NEIL1: variants seen among roughly 807,000 people sequenced by gnomAD.
NEIL1 encodes endonuclease 8-like 1.
NEIL1 carries 31 observed loss-of-function variants against 44.2 expected under a neutral mutation model. The ratio of observed to expected loss-of-function variants is 0.70; its 90% CI spans 0.53 to 0.95. The LOEUF (loss-of-function observed/expected upper bound fraction) is 0.95. NEIL1 is among the 40% of genes least tolerant of loss of function. The probability of loss-of-function intolerance (pLI) is 0.00; values close to 1 mark genes in which losing one functional copy is unlikely to be tolerated. For missense variants in NEIL1, 549 were observed against 515.5 expected, an observed-to-expected ratio of 1.07 and a Z score of -0.63; for synonymous variants, 254 against 209.7, an observed-to-expected ratio of 1.21 and a Z score of -1.83.
chr15:75,355,216 T>C lies in NEIL1; in HGVS notation c.*182T>C. The C allele has an allele frequency of 3.3e-6, 2 of 597,364 alleles. No homozygotes were observed. The highest frequency in any genetic ancestry group is 3.1e-5 in the Admixed American group (1 of 31,964). 37.0% of individuals were successfully genotyped at this position (597,364 alleles called of 1,614,324 possible). A position where few individuals can be genotyped will look rare whatever the true frequency, so the allele number is the denominator to read the frequency against. The stretch of plus-strand genomic sequence containing the variant: ...ACATCTTTAAAGCTCATGTGAAAAA[T>C]GCTGCATTTTTAATAAACTGATACA... On this transcript the variant is annotated 3_prime_UTR_variant, in exon 10 of 10. Coordinates refer to ENST00000355059, the MANE Select transcript of NEIL1 (RefSeq NM_024608.4).
intron 6 of NEIL1, 159 bp from the exon 7 acceptor site, chr15:75,354,091 C>A: frequency 1.9e-6 from 2 of 1,041,714 alleles, no homozygotes; most frequent in Non-Finnish European, 2.9e-6. Context: ...GGCAGAGCAG[C>A]TTTGCTGATG....
rs755536506 is a variant in NEIL1 at position 75,348,922 on chromosome 15, A to G, written c.17A>G (p.Glu6Gly). 1.9e-6 allele frequency: 3 copies of G among 1,612,138 alleles called. No homozygotes were observed. The highest frequency in any genetic ancestry group is 8.5e-7 in the Non-Finnish European group (1 of 1,179,928). Residue 6 changes from glutamate (E) to glycine (G), a missense_variant, in exon 2 of 10, where the codon GAG becomes GGG. Transcript: ENST00000355059. ...TCCCTCAGGATGCCTGAGGGCCCCGAGCTGCACCTGGCCAGCCAGTTTGTG... is the reference window on the plus strand; with the variant it reads ...TCCCTCAGGATGCCTGAGGGCCCCGGGCTGCACCTGGCCAGCCAGTTTGTG... MPEGP[E>G]LHLASQFVNE...
intron 5 of NEIL1, 36 bp downstream of exon 5, chr15:75,352,737 A>G: frequency 6.5e-7 from 1 of 1,533,040 alleles, no homozygotes; most frequent in Non-Finnish European, 8.9e-7. Flanking sequence ...CTGCTTCAGC[A>G]AATGATTGTG....
Position 75,352,128 on chromosome 15 carries a change from A to T in NEIL1, c.452A>T (p.Asn151Ile). ...YQQFRENVLR[N>I]LADKAFDRPI... ...TCCTCCAGGGAGAATGTGCTACGAA[A>T]CCTAGCGGATAAGGCCTTTGACCGG... Residue 151 changes from asparagine to isoleucine, a missense_variant, in exon 3 of 10, where the codon AAC becomes ATC. Coordinates refer to ENST00000355059, the MANE Select transcript of NEIL1 (RefSeq NM_024608.4). The T allele has an allele frequency of 6.2e-7, 1 of 1,614,038 alleles. No individual in the cohort carries two copies. The highest frequency in any genetic ancestry group is 8.5e-7 in the Non-Finnish European group (1 of 1,179,984).
In NEIL1 at chr15:75,348,953, G is replaced by A; in HGVS notation, c.48G>A (p.Glu16=). The A allele has an allele frequency of 3.7e-6, 6 of 1,613,432 alleles. No individual in the cohort carries two copies. Among genetic ancestry groups the A allele is most frequent in the Non-Finnish European group, 5.1e-6 (6 of 1,180,034 alleles). ...ACCTGGCCAGCCAGTTTGTGAATGA[G>A]GCCTGCAGGGCGCTGGTGTTCGGCG... is the stretch of plus-strand genomic sequence containing the variant. ...ELHLASQFVN[E]ACRALVFGGC... Residue 16 remains glutamate (E), a synonymous_variant, in exon 2 of 10, where the codon GAG becomes GAA. Transcript: ENST00000355059.
Position 75,356,160 on chromosome 15 carries a change from G to C in NEIL1, c.*1126G>C, listed in dbSNP as rs764882521. 1 of 1,613,632 alleles carries C rather than the reference G, an allele frequency of 6.2e-7. No individual in the cohort carries two copies. Among genetic ancestry groups the C allele is most frequent in the Non-Finnish European group, 8.5e-7 (1 of 1,179,990 alleles). Reference sequence around the variant, plus strand: ...ACAAGTGCAGCCAGCAGTCCACGTGGCTGCCGTGGGCCTCATACAGCCTCA... The same window carrying C: ...ACAAGTGCAGCCAGCAGTCCACGTGCCTGCCGTGGGCCTCATACAGCCTCA... On this transcript the variant is annotated 3_prime_UTR_variant, in exon 10 of 10. Transcript: ENST00000355059. This position sits in a 1 kb window ranked among gnomAD's most constrained non-coding sequence, Gnocchi z 5.8.
rs2071664788 is a variant in NEIL1 at position 75,349,020 on chromosome 15, C to G, written c.115C>G (p.Pro39Ala). The G allele has an allele frequency of 6.2e-7, 1 of 1,613,738 alleles. No homozygotes were observed. Among genetic ancestry groups the G allele is most frequent in the African/African-American group, 1.3e-5 (1 of 75,050 alleles). The change falls in exon 2 of 10, where the codon CCC (proline) becomes GCC (alanine). Residue 39 changes from proline to alanine, a missense_variant. Transcript: ENST00000355059. ...CTCTGTCAGCCGCAACCCTGAGGTG[C>G]CCTTTGAGAGCAGTGCCTACCGCAT... is the stretch of plus-strand genomic sequence containing the variant. ...KSSVSRNPEV[P>A]FESSAYRISA...
chr15:75,348,869 C>G lies in NEIL1; in HGVS notation c.-22-15C>G, dbSNP rs1230691934. ...GTCCACACCGGGCTCAACCCGCTGC[C>G]TTCCTCCCCAACAGGACTCTGCCAC... On this transcript the variant is annotated splice_polypyrimidine_tract_variant and intron_variant, in intron 1 of 9. Transcript: ENST00000355059. The G allele has an allele frequency of 6.3e-7, 1 of 1,598,322 alleles. No individual in the cohort carries two copies. Among genetic ancestry groups the G allele is most frequent in the Middle Eastern group, 2.1e-4 (1 of 4,856 alleles).
intron 5 of NEIL1, chr15:75,353,267 T>C: frequency 4.1e-6 from 1 of 246,904 alleles, no homozygotes; most frequent in Non-Finnish European, 8.2e-6. Flanking sequence ...TTATATATAT[T>C]TTTGGTAGAG....
Position 75,354,694 on chromosome 15 carries a change from G to T in NEIL1, c.978G>T (p.Arg326Ser). Residue 326 changes from arginine to serine, a missense_variant, in exon 9 of 10, where the codon AGG becomes AGT. Transcript: ENST00000355059. ...PPSKAPSRTRRAKRDLPKRTA... is the reference protein window; with the variant it reads ...PPSKAPSRTRSAKRDLPKRTA... ...GCAAGGCCCCTTCCAGGACACGAAG[G>T]GCAAAGAGAGACCTTCCTAAGAGGA... The T allele has an allele frequency of 1.2e-6, 2 of 1,614,182 alleles. No individual in the cohort carries two copies. Among genetic ancestry groups the T allele is most frequent in the Non-Finnish European group, 1.7e-6 (2 of 1,180,024 alleles).
In NEIL1 at chr15:75,355,995, A is replaced by T. The variant is rs760490250; in HGVS notation, c.*961A>T. ...TTCAGGCGGTTGTCCCGAAGGGTCAAGTGGCCAGCAGGGTCTGGTCGCTCC... is the reference window on the plus strand; with the variant it reads ...TTCAGGCGGTTGTCCCGAAGGGTCATGTGGCCAGCAGGGTCTGGTCGCTCC... On this transcript the variant is annotated 3_prime_UTR_variant, in exon 10 of 10. Transcript: ENST00000355059. 17 of 1,614,102 alleles carry T rather than the reference A, an allele frequency of 1.1e-5. No homozygotes were observed. Among genetic ancestry groups the T allele is most frequent in the Middle Eastern group, 1.6e-4 (1 of 6,062 alleles).
chr15:75,352,405 TG>T lies in NEIL1; in HGVS notation c.618+20del. ...ACAGGCCGGTAAGCCCAGAGAGGGA[TG>T]GAGCACACGTGCTGGCACACTGGTG... On this transcript the variant is annotated intron_variant, in intron 4 of 9. Transcript: ENST00000355059. 1 of 1,612,772 alleles carries T rather than the reference TG, an allele frequency of 6.2e-7. No individual in the cohort carries two copies. The highest frequency in any genetic ancestry group is 1.3e-5 in the African/African-American group (1 of 75,006).
Position 75,348,393 on chromosome 15 carries a change from C to T in NEIL1, c.-22-491C>T, listed in dbSNP as rs2071611244. The T allele has an allele frequency of 4.1e-6, 4 of 986,150 alleles. No individual in the cohort carries two copies. In the South Asian group the frequency reaches 1.9e-4, roughly 46 times the overall value. The allele number at this position is 986,150 out of a possible 1,614,324, so 61.1% of individuals were successfully genotyped here. A position where few individuals can be genotyped will look rare whatever the true frequency, so the allele number is the denominator to read the frequency against. ...GGGGGGAGGGGGGCGCAGGGAGGGG[C>T]GGCCACGCGATCCTAAGACCCTTTC... On this transcript the variant is annotated intron_variant, in intron 1 of 9. Transcript: ENST00000355059.
chr15:75,354,510 C>G lies in NEIL1; in HGVS notation c.936+18C>G. 1 of 1,614,004 alleles carries G rather than the reference C, an allele frequency of 6.2e-7. No homozygotes were observed. Among genetic ancestry groups the G allele is most frequent in the South Asian group, 1.1e-5 (1 of 91,084 alleles). On this transcript the variant is annotated intron_variant, in intron 8 of 9. Transcript: ENST00000355059. ...GAGTGGAGGTATGGCTGCCTGCTCC[C>G]GCCTCCTCCCCTGCACTCTGCAGCC... is the stretch of plus-strand genomic sequence containing the variant.
chr15:75,349,240 T>C lies in NEIL1; in HGVS notation c.335T>C (p.Leu112Pro), dbSNP rs2071688404. 6.2e-7 allele frequency: 1 copy of C among 1,610,976 alleles called. No individual in the cohort carries two copies. The highest frequency in any genetic ancestry group is 1.1e-5 in the South Asian group (1 of 91,068). Residue 112 changes from leucine to proline, a missense_variant, in exon 2 of 10, where the codon CTA (leucine) becomes CCA (proline). Physicochemically the swap from Leu to Pro is moderately conservative, Grantham distance 98. Coordinates refer to ENST00000355059, the MANE Select transcript of NEIL1 (RefSeq NM_024608.4). Reference protein sequence around the residue: ...YTAPPGPRLALCFVDIRRFGR... With the variant: ...YTAPPGPRLAPCFVDIRRFGR... ...GCCCCGCCTGGCCCCCGGCTCGCCC[T>C]ATGTTTCGTGGACATCCGCCGGTTC...
intron 6 of NEIL1, 114 bp from the exon 7 acceptor site, chr15:75,354,136 C>T: frequency 1.6e-6 from 2 of 1,278,148 alleles, no homozygotes; most frequent in South Asian, 1.2e-5. Flanking sequence ...TAGAGGCTTC[C>T]TAAGGGAGAA....
rs777328219 is a variant in NEIL1 at position 75,354,433 on chromosome 15, C to T, written c.877C>T (p.Arg293Cys). 7.4e-6 allele frequency: 12 copies of T among 1,614,064 alleles called. No homozygotes were observed. The highest frequency in any genetic ancestry group is 5.0e-5 in the Admixed American group (3 of 60,006). The change falls in exon 8 of 10, where the codon CGC (arginine) becomes TGC (cysteine). Residue 293 changes from arginine (R) to cysteine (C), a missense_variant and splice_region_variant. Arg to Cys is a radical substitution (Grantham distance 180). Transcript: ENST00000355059. The stretch of plus-strand genomic sequence containing the variant: ...ACTCCAACACCAGTGTCCTGCAGGG[C>T]GCAAGTCCCGCAAAAAGAAATCCAA... ...GDPGPLAPKG[R>C]KSRKKKSKAT...
chr15:75,354,803 C>G lies in NEIL1; in HGVS notation c.1087C>G (p.Arg363Gly). 6.2e-7 allele frequency: 1 copy of G among 1,614,000 alleles called. No homozygotes were observed. The highest frequency in any genetic ancestry group is 8.5e-7 in the Non-Finnish European group (1 of 1,180,018). ...GCCCAAGAAGGGGAGGAGGAAGGGG[C>G]GACAGGCAGCCTCTGGTGGGCTTTC... ...TVPKKGRRKG[R>G]QAASGHCRPR... The change falls in exon 9 of 10, where the codon CGA becomes GGA. Residue 363 changes from arginine to glycine, a missense_variant. Coordinates refer to ENST00000355059, the MANE Select transcript of NEIL1 (RefSeq NM_024608.4).
In NEIL1 at chr15:75,348,570, GAAGT is replaced by G. The variant is rs1204815942; in HGVS notation, c.-22-310_-22-307del. 3.3e-6 allele frequency: 4 copies of G among 1,222,870 alleles called. No individual in the cohort carries two copies. The African/African-American group carries it at 6.1e-5, about 19-fold the overall frequency. The allele number at this position is 1,222,870 out of a possible 1,614,324, so 75.8% of individuals were successfully genotyped here. A position where few individuals can be genotyped will look rare whatever the true frequency, so the allele number is the denominator to read the frequency against. The stretch of plus-strand genomic sequence containing the variant: ...ATCCGTGAGTGAGGGGAGCCGGGAA[GAAGT>G]AAGGCTGCAGCCGCGGCCCCGCAAG... On this transcript the variant is annotated intron_variant, in intron 1 of 9. Transcript: ENST00000355059.
Sources: gnomAD v4.1 joint callset for allele counts on GRCh38, gnomAD v4.1.1 for gene constraint, Gnocchi (gnomAD v3.1) non-coding constraint, MANE v1.5 for transcripts, NCBI Gene and HGNC (gene_info 2026-07-23, HGNC 2026-07-21) for gene names.